The following TRANK1 variants were observed in gnomAD, a reference collection of about 807,000 sequenced individuals.
TRANK1 encodes the protein tetratricopeptide repeat and ankyrin repeat containing 1, also known as TPR and ankyrin repeat-containing protein 1.
TRANK1 carries 198 observed loss-of-function variants against 266.0 expected under a neutral mutation model. That is an observed-to-expected ratio of 0.74 (90% confidence interval 0.66 to 0.84). The LOEUF (loss-of-function observed/expected upper bound fraction) is 0.84. TRANK1 is among the 40% of genes least tolerant of loss of function. The probability of loss-of-function intolerance (pLI) is 0.00; values close to 1 mark genes in which losing one functional copy is unlikely to be tolerated. For synonymous variants in TRANK1, 1,396 were observed against 1,384.1 expected (o/e 1.01, Z -0.19); for missense variants, 3,326 against 3,634.6 (o/e 0.92, Z 2.18).
chr3:36,945,363 C>A (rs1268635254), upstream of TRANK1, among the ~76,000 whole-genome samples: 1 of 152,138 alleles, frequency 6.6e-6, no homozygotes, highest in African/African-American at 2.4e-5. Flanking sequence ...GGGTTTTCTC[C>A]TTCCCTCGTT....
At chr3:36,887,481 C>T (rs971209317) in intron 8 of TRANK1, among the ~76,000 whole-genome samples, 6 of 152,232 alleles carry the variant, frequency 3.9e-5, no homozygotes, top group South Asian at 4.1e-4. Context: ...CTCTTCCCAA[C>T]TCTGTGTTGC....
At chr3:36,944,712 G>T in intron 1 of TRANK1, 75 bp downstream of exon 1, 1 of 1,481,404 alleles carries the variant, frequency 6.8e-7, no homozygotes, top group Non-Finnish European at 9.0e-7. Flanking sequence ...CCCCGCGCGC[G>T]GCCGCCTCCC....
chr3:36,893,316 TA>T (rs2079736973), intron 5 of TRANK1, among the ~76,000 whole-genome samples: 1 of 152,194 alleles, frequency 6.6e-6, no homozygotes, highest in African/African-American at 2.4e-5. Flanking sequence ...GCCAAGTTCT[TA>T]AGGCTTAGCA....
chr3:36,857,008 A>G lies in TRANK1; in HGVS notation c.2714T>C (p.Ile905Thr). The G allele has an allele frequency of 2.5e-6, 4 of 1,613,956 alleles. No individual in the cohort carries two copies. The highest frequency in any genetic ancestry group is 3.4e-6 in the Non-Finnish European group (4 of 1,179,854). Residue 905 changes from isoleucine (I) to threonine (T), a missense_variant, in exon 13 of 24, where the codon ATT becomes ACT. Transcript: ENST00000645898. This position sits in a 1 kb window ranked among gnomAD's most constrained non-coding sequence, Gnocchi z 4.3. ...CTCACTGCATCGAGGGGAGAAGTCAATGGCGAGCTCCCAGAGCATCCGGGC... is the reference window on the plus strand; with the variant it reads ...CTCACTGCATCGAGGGGAGAAGTCAGTGGCGAGCTCCCAGAGCATCCGGGC... Reference protein sequence around the residue: ...KGARMLWELAIDFSPRCSENP... With the variant: ...KGARMLWELATDFSPRCSENP...
chr3:36,868,608 A>G (rs949108633), intron 9 of TRANK1, among the ~76,000 whole-genome samples: 57 of 152,342 alleles, frequency 3.7e-4, no homozygotes, highest in African/African-American at 1.3e-3. Context: ...ATATAAATAT[A>G]TAACTAAAAA....
intron 8 of TRANK1, among the ~76,000 whole-genome samples, 170 bp downstream of exon 8, chr3:36,889,659 A>G (rs966674012): frequency 6.6e-6 from 1 of 152,168 alleles, no homozygotes; most frequent in African/African-American, 2.4e-5. Context: ...TTCTTTCTGC[A>G]TTACAGCTTA....
rs1559433428 is a variant in TRANK1 at position 36,857,785 on chromosome 3, T to C, written c.1937A>G (p.Asn646Ser). The change falls in exon 13 of 24, where the codon AAC becomes AGC. Residue 646 changes from asparagine to serine, a missense_variant. Coordinates refer to ENST00000645898, the MANE Select transcript of TRANK1 (RefSeq NM_001329998.2). This position sits in a 1 kb window ranked among gnomAD's most constrained non-coding sequence, Gnocchi z 4.3. The part of the protein sequence containing the change: ...KKNDSLLLAW[N>S]KALMENRRRS... The stretch of plus-strand genomic sequence containing the variant: ...CCTCCTGTTCTCCATCAGAGCTTTG[T>C]TCCAGGCCAAGAGCAGAGAGTCGTT... 3.1e-6 allele frequency: 5 copies of C among 1,614,006 alleles called. No individual in the cohort carries two copies. The highest frequency in any genetic ancestry group is 1.3e-5 in the African/African-American group (1 of 75,060).
chr3:36,928,071 G>A (rs936808751), intron 1 of TRANK1, among the ~76,000 whole-genome samples: 11 of 152,174 alleles, frequency 7.2e-5, no homozygotes, highest in African/African-American at 2.4e-4. Flanking sequence ...TCCCTGATTA[G>A]TGCCCACAGT....
intron 8 of TRANK1, among the ~76,000 whole-genome samples, chr3:36,885,364 C>A (rs953203670): frequency 6.6e-6 from 1 of 152,184 alleles, no homozygotes; most frequent in Admixed American, 6.5e-5. Flanking sequence ...AGATAGTCTA[C>A]CAAATAACTG....
chr3:36,847,372 C>T, intron 15 of TRANK1, 26 bp from the exon 16 acceptor site: 4 of 1,611,566 alleles, frequency 2.5e-6, no homozygotes, highest in Non-Finnish European at 3.4e-6. Flanking sequence ...AAAGTGAAGA[C>T]CAACAGAATA....
intron 1 of TRANK1, among the ~76,000 whole-genome samples, chr3:36,909,214 A>G (rs1379449663): frequency 6.6e-6 from 1 of 152,198 alleles, no homozygotes; most frequent in African/African-American, 2.4e-5. Flanking sequence ...CTATTTTGTT[A>G]AGTTTTGTAG....
At chr3:36,908,681 T>A in intron 1 of TRANK1, 1 of 961,634 alleles carries the variant, frequency 1.0e-6, no homozygotes, top group Non-Finnish European at 1.2e-6. Flanking sequence ...CCAGACCAAT[T>A]CCATTTATTC....
At chr3:36,881,465 T>G (rs998644750) in intron 8 of TRANK1, among the ~76,000 whole-genome samples, 1 of 149,546 alleles carries the variant, frequency 6.7e-6, no homozygotes, top group East Asian at 2.0e-4. Flanking sequence ...AAAACAAAAT[T>G]AGCCAAGCAT....
intron 17 of TRANK1, among the ~76,000 whole-genome samples, chr3:36,845,839 T>C (rs751163882): frequency 1.1e-4 from 17 of 152,252 alleles, no homozygotes; most frequent in Non-Finnish European, 1.8e-4. Flanking sequence ...CTTACGCAGG[T>C]ATCTTTGAGA....
intron 15 of TRANK1, 51 bp from the exon 16 acceptor site, chr3:36,847,397 G>A (rs879735735): frequency 2.1e-5 from 34 of 1,591,202 alleles, no homozygotes; most frequent in Non-Finnish European, 2.7e-5. Flanking sequence ...TTTGAACTAC[G>A]CATACAGCCT....
In TRANK1 at chr3:36,832,593, C is replaced by T; in HGVS notation, c.6990G>A (p.Trp2330Ter). 6.2e-7 allele frequency: 1 copy of T among 1,614,022 alleles called. No homozygotes were observed. The highest frequency in any genetic ancestry group is 8.5e-7 in the Non-Finnish European group (1 of 1,179,900). ...GAAGGAAAGCTTGCATGGCACTCAG[C>T]CACAGGTCTGTGGATTCCCGGCGGT... ...ARNRRESTDLWLSAMQAFLLS... is the reference protein window; with the variant it reads ...ARNRRESTDL Residue 2330 changes from tryptophan to a stop codon, truncating the protein, a stop_gained, in exon 22 of 24, where the codon TGG becomes TGA. Transcript: ENST00000645898. LOFTEE classifies it high-confidence loss of function.
intron 7 of TRANK1, 63 bp downstream of exon 7, chr3:36,892,139 A>G: frequency 1.3e-6 from 2 of 1,505,656 alleles, no homozygotes; most frequent in Non-Finnish European, 8.9e-7. Context: ...CTTGAGCTCA[A>G]CAGAGTTCCA....
At chr3:36,885,534 G>A (rs897678267) in intron 8 of TRANK1, among the ~76,000 whole-genome samples, 1 of 152,092 alleles carries the variant, frequency 6.6e-6, no homozygotes, top group Non-Finnish European at 1.5e-5. Context: ...ACTCATATGA[G>A]GTCTGTATAT....
At chr3:36,843,291 T>C (rs2078873013) in intron 17 of TRANK1, among the ~76,000 whole-genome samples, 1 of 152,148 alleles carries the variant, frequency 6.6e-6, no homozygotes, top group African/African-American at 2.4e-5. Flanking sequence ...TTTTTAAGTT[T>C]TGGTCTACTT....
Sources: gnomAD v4.1 joint callset for allele counts (sites outside exome capture counted in the v4.1 genomes callset) on GRCh38, gnomAD v4.1.1 for gene constraint, Gnocchi (gnomAD v3.1) non-coding constraint, MANE v1.5 for transcripts, NCBI Gene and HGNC (gene_info 2026-07-23, HGNC 2026-07-21) for gene names.